Variants in PIAS1 observed in about 807,000 individuals in gnomAD.
PIAS1 encodes E3 SUMO-protein ligase PIAS1.
PIAS1 carries 6 observed loss-of-function variants against 71.3 expected under a neutral mutation model. That is an observed-to-expected ratio of 0.08 (90% CI 0.05 to 0.17). The LOEUF is 0.17. Among genes scored for constraint, PIAS1 ranks in the 10% least tolerant of loss-of-function variants. The probability of loss-of-function intolerance (pLI) is 1.00; values close to 1 mark genes in which losing one functional copy is unlikely to be tolerated. For synonymous variants in PIAS1, 303 were observed against 292.9 expected, an observed-to-expected ratio of 1.03 and a Z score of -0.35; for missense variants, 555 against 793.6, an observed-to-expected ratio of 0.70 and a Z score of 3.61.
intron 2 of PIAS1, among the ~76,000 whole-genome samples, chr15:68,093,127 G>A (rs1005871971): frequency 2.6e-5 from 4 of 152,180 alleles, no homozygotes; most frequent in African/African-American, 9.7e-5. Flanking sequence ...AATCTGTTGC[G>A]AATGGGGAAA....
intron 2 of PIAS1, among the ~76,000 whole-genome samples, chr15:68,114,720 A>G (rs947594027): frequency 7.2e-5 from 11 of 151,990 alleles, no homozygotes; most frequent in African/African-American, 2.4e-4. Context: ...CAATTATTTT[A>G]TGTATCTAGA....
chr15:68,153,516 A>G lies in PIAS1; in HGVS notation c.829-74A>G, dbSNP rs560255186. Reference sequence around the variant, plus strand: ...TAAGAAGTGTTAGTTTTCTTTCCCTATCATGGTGAGATTAAAATAGATGTA... The same window carrying G: ...TAAGAAGTGTTAGTTTTCTTTCCCTGTCATGGTGAGATTAAAATAGATGTA... On this transcript the variant is annotated intron_variant, in intron 6 of 13. Transcript: ENST00000249636. 1.6e-5 allele frequency: 11 copies of G among 689,452 alleles called. No homozygotes were observed. In the South Asian group the frequency reaches 1.8e-4, roughly 11 times the overall value. The allele number at this position is 689,452 out of a possible 1,614,324, so 42.7% of individuals were successfully genotyped here.
intron 2 of PIAS1, among the ~76,000 whole-genome samples, chr15:68,138,616 A>G (rs1440634497): frequency 1.3e-5 from 2 of 152,120 alleles, no homozygotes; most frequent in Non-Finnish European, 2.9e-5. Flanking sequence ...CTGGGATTAC[A>G]GGCGCATGCC....
chr15:68,145,058 A>G (rs371358151), intron 4 of PIAS1, among the ~76,000 whole-genome samples: 1 of 152,288 alleles, frequency 6.6e-6, no homozygotes, highest in Non-Finnish European at 1.5e-5. Context: ...AATAGGTACT[A>G]ATAAAGAATA....
rs576352486 is a variant in PIAS1 at position 68,106,955 on chromosome 15, G to T, written c.469+20205G>T. On this transcript the variant is annotated intron_variant, in intron 2 of 13. Transcript: ENST00000249636. ...GCCACATAGTTTGAAAATAATTCATGAGTGTTTAAAAGACTAGCATATTCA... is the reference window on the plus strand; with the variant it reads ...GCCACATAGTTTGAAAATAATTCATTAGTGTTTAAAAGACTAGCATATTCA... Among the ~76,000 whole-genome samples the T allele has an allele frequency of 2.6e-4, 39 of 152,274 alleles. 1 individual carries two copies. The highest frequency in any genetic ancestry group is 9.4e-4 in the African/African-American group (39 of 41,558).
chr15:68,189,299 T>G lies in PIAS1; in HGVS notation c.*1464T>G, dbSNP rs1185488910. The G allele has an allele frequency of 6.6e-6, 1 of 152,198 alleles. No homozygotes were observed. The highest frequency in any genetic ancestry group is 1.5e-5 in the Non-Finnish European group (1 of 68,022). The allele number at this position is 152,198 out of a possible 1,614,324, so 9.4% of individuals were successfully genotyped here. On this transcript the variant is annotated 3_prime_UTR_variant, in exon 14 of 14. Coordinates refer to ENST00000249636, the MANE Select transcript of PIAS1 (RefSeq NM_016166.3). ...TGATGTTCTCAGGTGTGGAAAATAT[T>G]TTTTAGTTGATTGAGAATGCAGGTT...
chr15:68,157,069 A>G (rs1199442807), intron 7 of PIAS1, among the ~76,000 whole-genome samples: 1 of 152,234 alleles, frequency 6.6e-6, no homozygotes, highest in Non-Finnish European at 1.5e-5. Context: ...GAGTCCAAGG[A>G]GGAGTGCTAA....
At chr15:68,118,715 T>C (rs926615300) in intron 2 of PIAS1, among the ~76,000 whole-genome samples, 2 of 152,244 alleles carry the variant, frequency 1.3e-5, no homozygotes, top group African/African-American at 4.8e-5. Context: ...TTGATTTGCA[T>C]TTCCCTTATT....
intron 1 of PIAS1, among the ~76,000 whole-genome samples, chr15:68,062,222 CTACACT>C (rs766936278): frequency 6.6e-5 from 10 of 152,140 alleles, no homozygotes; most frequent in Non-Finnish European, 1.5e-4. Flanking sequence ...TAATAAGTGA[CTACACT>C]TCTCATTGTA....
intron 1 of PIAS1, among the ~76,000 whole-genome samples, chr15:68,057,754 A>G (rs551542735): frequency 1.3e-5 from 2 of 152,222 alleles, no homozygotes; most frequent in East Asian, 1.9e-4. Context: ...CAAGTGCCAC[A>G]TTTAGATGGC....
chr15:68,163,150 T>C (rs1279967134), intron 7 of PIAS1, among the ~76,000 whole-genome samples: 4 of 152,256 alleles, frequency 2.6e-5, no homozygotes, highest in Non-Finnish European at 5.9e-5. Flanking sequence ...ATTAGAATTC[T>C]ATTTGCATGT....
chr15:68,131,634 A>G (rs2141032296), intron 2 of PIAS1, among the ~76,000 whole-genome samples: 1 of 152,346 alleles, frequency 6.6e-6, no homozygotes, highest in South Asian at 2.1e-4. Flanking sequence ...CTTAATAAGC[A>G]TAGTATTGTC....
At chr15:68,128,347 A>C (rs1201941616) in intron 2 of PIAS1, among the ~76,000 whole-genome samples, 2 of 152,016 alleles carry the variant, frequency 1.3e-5, no homozygotes, top group African/African-American at 4.8e-5. Context: ...TTGTACTTTT[A>C]GTAGGGACAG....
At chr15:68,175,854 C>T in intron 10 of PIAS1, 87 bp downstream of exon 10, 1 of 900,298 alleles carries the variant, frequency 1.1e-6, no homozygotes, top group Non-Finnish European at 1.5e-6. Context: ...TTTTAAAAAT[C>T]ACTGAGCAGT....
chr15:68,068,161 G>T (rs917738227), intron 1 of PIAS1, among the ~76,000 whole-genome samples: 1 of 152,252 alleles, frequency 6.6e-6, no homozygotes, highest in Non-Finnish European at 1.5e-5. Context: ...TTGCTTGAGT[G>T]CAGGAGTTTG....
chr15:68,132,338 G>A (rs2092694014), intron 2 of PIAS1, among the ~76,000 whole-genome samples: 1 of 152,054 alleles, frequency 6.6e-6, no homozygotes. Context: ...ATCAGGGCGT[G>A]GTGGCCCTCA....
chr15:68,065,220 C>T (rs1224227683), intron 1 of PIAS1, among the ~76,000 whole-genome samples: 1 of 152,010 alleles, frequency 6.6e-6, no homozygotes, highest in African/African-American at 2.4e-5. Context: ...TTAAAATTTA[C>T]AGTACAGCAG....
chr15:68,130,221 C>T (rs1220146308), intron 2 of PIAS1, among the ~76,000 whole-genome samples: 1 of 151,272 alleles, frequency 6.6e-6, no homozygotes, highest in East Asian at 1.9e-4. Context: ...ATAAATAAAC[C>T]TTAAAAGAAA....
In PIAS1 at chr15:68,078,754, A is replaced by G. The variant is rs187154371; in HGVS notation, c.25-7552A>G. On this transcript the variant is annotated intron_variant, in intron 1 of 13. Coordinates refer to ENST00000249636, the MANE Select transcript of PIAS1 (RefSeq NM_016166.3). ...ATAATGCTCTGTCTTGTAGGTTCAT[A>G]TGAGGATTAAATAAGATAATCATGC... is the stretch of plus-strand genomic sequence containing the variant. 1.6e-4 allele frequency among the ~76,000 whole-genome samples: 25 copies of G among 152,342 alleles called. No homozygotes were observed. The East Asian group carries it at 3.3e-3, about 20-fold the overall frequency.
Sources: allele counts gnomAD v4.1 joint callset (sites outside exome capture counted in the v4.1 genomes callset), GRCh38; gene constraint gnomAD v4.1.1; transcripts MANE v1.5; gene names NCBI Gene and HGNC (gene_info 2026-07-23, HGNC 2026-07-21).